Variants in PEX5L observed in about 807,000 individuals in gnomAD.
PEX5L encodes the protein peroxisomal biogenesis factor 5 like, also known as PEX5-related protein.
PEX5L carries 30 observed loss-of-function variants against 84.0 expected under a neutral mutation model. The ratio of observed to expected loss-of-function variants is 0.36; its 90% confidence interval spans 0.27 to 0.48. The LOEUF is 0.48. Ranked by LOEUF, PEX5L falls within the 20% of genes least tolerant of loss-of-function variation. PEX5L has a pLI of 0.99. For missense variants in PEX5L, 533 were observed against 754.6 expected (o/e 0.71, Z 3.44); for synonymous variants, 270 against 283.1 (o/e 0.95, Z 0.46).
chr3:180,014,668 T>C (rs1008702481), intron 1 of PEX5L, among the ~76,000 whole-genome samples: 10 of 152,166 alleles, frequency 6.6e-5, no homozygotes, highest in African/African-American at 2.4e-4. Flanking sequence ...TTAAGTCATA[T>C]AAAAACAGTT....
intron 7 of PEX5L, among the ~76,000 whole-genome samples, chr3:179,870,446 C>G (rs915664217): frequency 7.0e-6 from 1 of 143,620 alleles, no homozygotes; most frequent in African/African-American, 2.5e-5. Context: ...CCCCAAACTC[C>G]TCGGGGAGAT....
intron 2 of PEX5L, among the ~76,000 whole-genome samples, chr3:179,918,221 C>A (rs1377204918): frequency 1.3e-5 from 2 of 152,144 alleles, no homozygotes; most frequent in Non-Finnish European, 2.9e-5. Context: ...TCAGCCATGA[C>A]CCTCTACTAT....
chr3:179,873,650 A>G lies in PEX5L; in HGVS notation c.726+677T>C, dbSNP rs576585532. Among the ~76,000 whole-genome samples the G allele has an allele frequency of 2.3e-3, 349 of 152,278 alleles. 3 individuals carry two copies. Among genetic ancestry groups the G allele is most frequent in the Non-Finnish European group, 4.2e-3 (285 of 68,042 alleles). ...TAATGGACAGACAGACCTGGTTCACACCCTACTTCCACCAGTGATTTAGCT... is the reference window on the plus strand; with the variant it reads ...TAATGGACAGACAGACCTGGTTCACGCCCTACTTCCACCAGTGATTTAGCT... On this transcript the variant is annotated intron_variant, in intron 7 of 14. Transcript: ENST00000467460.
chr3:179,910,413 CTATT>C (rs1764752297), intron 2 of PEX5L, among the ~76,000 whole-genome samples: 1 of 152,170 alleles, frequency 6.6e-6, no homozygotes, highest in Non-Finnish European at 1.5e-5. Flanking sequence ...TCCAAGGAAG[CTATT>C]TGTTTCCAGC....
chr3:179,919,036 T>C (rs1445419981), intron 2 of PEX5L, among the ~76,000 whole-genome samples: 2 of 152,212 alleles, frequency 1.3e-5, no homozygotes, highest in Non-Finnish European at 2.9e-5. Context: ...TTCTAGGGCT[T>C]GGTCAAGTAC....
intron 2 of PEX5L, among the ~76,000 whole-genome samples, chr3:179,956,034 C>A (rs1048655474): frequency 1.3e-5 from 2 of 152,130 alleles, no homozygotes; most frequent in Non-Finnish European, 1.5e-5. Context: ...GATTTATTCA[C>A]AGGAAGTAAT....
chr3:179,876,984 A>T (rs189821280), intron 5 of PEX5L, among the ~76,000 whole-genome samples: 32 of 152,324 alleles, frequency 2.1e-4, no homozygotes, highest in African/African-American at 7.7e-4. Flanking sequence ...TTTCATACAC[A>T]CCTTACACAC....
intron 2 of PEX5L, among the ~76,000 whole-genome samples, chr3:179,922,733 C>T (rs1391549812): frequency 1.3e-5 from 2 of 151,760 alleles, no homozygotes; most frequent in Admixed American, 6.5e-5. Context: ...GGATTACAGC[C>T]GTGAGCCACT....
chr3:179,956,807 G>A (rs778873637), intron 2 of PEX5L, among the ~76,000 whole-genome samples: 2 of 152,140 alleles, frequency 1.3e-5, no homozygotes, highest in Non-Finnish European at 1.5e-5. Context: ...CGGTGCATCC[G>A]GGATATGAAA....
intron 2 of PEX5L, among the ~76,000 whole-genome samples, chr3:179,948,984 C>G (rs1027921591): frequency 6.6e-6 from 1 of 152,158 alleles, no homozygotes; most frequent in Admixed American, 6.5e-5. Context: ...ATTATACCAA[C>G]AGTGAGCAGA....
intron 2 of PEX5L, among the ~76,000 whole-genome samples, chr3:179,951,608 G>A (rs1323277372): frequency 6.6e-6 from 1 of 152,220 alleles, no homozygotes; most frequent in Non-Finnish European, 1.5e-5. Flanking sequence ...CTCTTCTAAG[G>A]TATAGCAGAG....
At chr3:179,831,708 GATA>G (rs1733029540) in intron 8 of PEX5L, among the ~76,000 whole-genome samples, 1 of 152,162 alleles carries the variant, frequency 6.6e-6, no homozygotes, top group Non-Finnish European at 1.5e-5. Context: ...CTTGGAAGCA[GATA>G]ACACCCAACT....
At chr3:179,888,365 A>G (rs1381062990) in intron 3 of PEX5L, among the ~76,000 whole-genome samples, 1 of 152,168 alleles carries the variant, frequency 6.6e-6, no homozygotes, top group African/African-American at 2.4e-5. Context: ...AGTAGAAAAT[A>G]TTGTTATATT....
At chr3:179,810,568 G>A (rs1458253791) in intron 11 of PEX5L, among the ~76,000 whole-genome samples, 1 of 152,130 alleles carries the variant, frequency 6.6e-6, no homozygotes, top group East Asian at 1.9e-4. Context: ...TTCTCATCCA[G>A]TAGGTCTACT....
At chr3:179,988,652 T>C (rs1463103164) in intron 1 of PEX5L, among the ~76,000 whole-genome samples, 1 of 152,186 alleles carries the variant, frequency 6.6e-6, no homozygotes, top group Non-Finnish European at 1.5e-5. Context: ...AAATTGGATG[T>C]GTAAATACGT....
chr3:179,961,800 G>A (rs35102009), intron 2 of PEX5L, among the ~76,000 whole-genome samples: 19,435 of 152,104 alleles, frequency 0.13, 1,675 homozygotes, highest in Non-Finnish European at 0.19. Flanking sequence ...AGTAATCACC[G>A]AGTTCACCTG....
At chr3:179,914,196 T>G (rs1299386787) in intron 2 of PEX5L, among the ~76,000 whole-genome samples, 2 of 152,208 alleles carry the variant, frequency 1.3e-5, no homozygotes, top group East Asian at 1.9e-4. Flanking sequence ...CTGTAAGAGT[T>G]GCCTGGCATC....
intron 1 of PEX5L, among the ~76,000 whole-genome samples, chr3:179,995,728 C>A (rs1002706944): frequency 2.6e-5 from 4 of 152,138 alleles, no homozygotes; most frequent in African/African-American, 9.7e-5. Flanking sequence ...AGAGTCTTAT[C>A]TCCTGTAGAG....
At chr3:180,004,658 T>G (rs1203167857) in intron 1 of PEX5L, among the ~76,000 whole-genome samples, 1 of 152,206 alleles carries the variant, frequency 6.6e-6, no homozygotes, top group African/African-American at 2.4e-5. Context: ...TACCCGGATT[T>G]ATGTTAAAAA....
Sources: gnomAD v4.1 joint callset for allele counts (sites outside exome capture counted in the v4.1 genomes callset) on GRCh38, gnomAD v4.1.1 for gene constraint, MANE v1.5 for transcripts, NCBI Gene and HGNC (gene_info 2026-07-23, HGNC 2026-07-21) for gene names.